The following SYT16 variants were observed in gnomAD, a reference collection of about 807,000 sequenced individuals.
SYT16 encodes the protein synaptotagmin-16.
SYT16 carries 42 observed loss-of-function variants against 61.4 expected under a neutral mutation model. That is an observed-to-expected ratio of 0.68 (90% CI 0.53 to 0.89). SYT16 has a LOEUF of 0.89. SYT16 is among the 40% of genes least tolerant of loss of function. SYT16 has a pLI of 0.00. For synonymous variants in SYT16, 314 were observed against 302.3 expected (o/e 1.04, Z -0.40); for missense variants, 804 against 807.3 (o/e 1.00, Z 0.05).
chr14:61,996,230 G>GAACA lies in SYT16; in HGVS notation c.213_216dup (p.Asp73ThrfsTer4). On this transcript the variant is annotated frameshift_variant, in exon 3 of 8. Transcript: ENST00000683842. LOFTEE classifies it high-confidence loss of function. ...TCAGGAAACGTACTTTGAAGATGAA[G>GAACA]AACAAGACAATGATTGGAGTCAAGA... 2 of 1,613,582 alleles carry GAACA rather than the reference G, an allele frequency of 1.2e-6. No homozygotes were observed. Among genetic ancestry groups the GAACA allele is most frequent in the South Asian group, 2.2e-5 (2 of 91,074 alleles).
intron 1 of SYT16, among the ~76,000 whole-genome samples, chr14:61,829,145 G>A (rs1277976931): frequency 6.6e-6 from 1 of 152,140 alleles, no homozygotes; most frequent in Non-Finnish European, 1.5e-5. Flanking sequence ...TATTTTATGA[G>A]TGATATTTTA....
At chr14:62,016,539 CAAAAA>C (rs10610233) in intron 3 of SYT16, among the ~76,000 whole-genome samples, 40,857 of 97,432 alleles carry the variant, frequency 0.42, 7,107 homozygotes, top group East Asian at 0.56. Context: ...TCTAAAAATA[CAAAAA>C]AAAAAAAAAA....
intron 3 of SYT16, among the ~76,000 whole-genome samples, chr14:62,001,693 C>T (rs4902093): frequency 6.6e-6 from 1 of 151,610 alleles, no homozygotes; most frequent in African/African-American, 2.4e-5. Context: ...CCCATTCTCT[C>T]TTGTTCCTCC....
rs1021494477 is a variant in SYT16 at position 62,101,027 on chromosome 14, G to C, written c.*320G>C. The stretch of plus-strand genomic sequence containing the variant: ...GGGTGAAGCTTCTTCTGCTGTCTCT[G>C]TTTGCTTGAAGAGTAACCTGAGATT... On this transcript the variant is annotated 3_prime_UTR_variant, in exon 8 of 8. Transcript: ENST00000683842. 1.9e-5 allele frequency: 4 copies of C among 215,036 alleles called. No individual in the cohort carries two copies. The South Asian group carries it at 3.6e-4, about 20-fold the overall frequency. The allele number at this position is 215,036 out of a possible 1,614,324, so 13.3% of individuals were successfully genotyped here.
intron 1 of SYT16, among the ~76,000 whole-genome samples, chr14:61,833,695 C>T (rs1176969877): frequency 6.9e-6 from 1 of 144,454 alleles, no homozygotes; most frequent in African/African-American, 2.6e-5. Flanking sequence ...AGCCACTGCG[C>T]CCAGCAGTGG....
rs938158015 is a variant in SYT16, at chr14:62,100,843, G to A, written c.*136G>A. The A allele has an allele frequency of 2.9e-5, 25 of 854,658 alleles. No homozygotes were observed. In the African/African-American group the frequency reaches 3.9e-4, roughly 13 times the overall value. 52.9% of individuals were successfully genotyped at this position (854,658 alleles called of 1,614,324 possible). ...AACCCCTAGGACATTGTGAGTGGGA[G>A]TTTTGGGTTTCTCAATGGTCTGATT... On this transcript the variant is annotated 3_prime_UTR_variant, in exon 8 of 8. Transcript: ENST00000683842.
chr14:61,882,828 A>C (rs1358780550), intron 1 of SYT16, among the ~76,000 whole-genome samples: 2 of 152,212 alleles, frequency 1.3e-5, no homozygotes, highest in African/African-American at 4.8e-5. Flanking sequence ...ACCTGTTCCA[A>C]ATAAGATACA....
intron 1 of SYT16, among the ~76,000 whole-genome samples, chr14:61,913,488 C>G (rs574205637): frequency 6.6e-6 from 1 of 152,028 alleles, no homozygotes; most frequent in Admixed American, 6.6e-5. Context: ...TCATGTAAGA[C>G]ATGAGGAGTA....
chr14:61,945,470 G>C lies in SYT16; in HGVS notation c.-324-24662G>C, dbSNP rs907083322. Among the ~76,000 whole-genome samples, 7 of 152,174 alleles carry C rather than the reference G, an allele frequency of 4.6e-5. No individual in the cohort carries two copies. In the East Asian group the frequency reaches 1.2e-3, roughly 25 times the overall value. ...TTGCAGCACTGTTCACAATAGCAAA[G>C]ACTTGGAACTAACTCAAATGCCCAT... On this transcript the variant is annotated intron_variant, in intron 1 of 7. Transcript: ENST00000683842.
chr14:62,055,104 G>A (rs1241348688), intron 3 of SYT16, among the ~76,000 whole-genome samples: 1 of 152,206 alleles, frequency 6.6e-6, no homozygotes, highest in Non-Finnish European at 1.5e-5. Context: ...GGGAAAGAAA[G>A]CAAGAACAAC....
At chr14:61,849,202 C>T (rs1021365169) in intron 1 of SYT16, among the ~76,000 whole-genome samples, 2 of 152,098 alleles carry the variant, frequency 1.3e-5, no homozygotes, top group Non-Finnish European at 2.9e-5. Flanking sequence ...ACAAAATTGT[C>T]TTTACTCTTC....
intron 1 of SYT16, among the ~76,000 whole-genome samples, chr14:61,945,371 A>G (rs2050381587): frequency 6.6e-6 from 1 of 152,224 alleles, no homozygotes; most frequent in Non-Finnish European, 1.5e-5. Flanking sequence ...TTGACCCAGC[A>G]ATCCCATTAC....
chr14:61,831,725 T>TC (rs1291625921), intron 1 of SYT16: 4 of 167,908 alleles, frequency 2.4e-5, no homozygotes, highest in Non-Finnish European at 5.1e-5. Context: ...CTTCAGTAGT[T>TC]CTTTTTTTTT....
chr14:61,815,062 A>C (rs1412253422), intron 1 of SYT16, among the ~76,000 whole-genome samples: 1 of 152,228 alleles, frequency 6.6e-6, no homozygotes, highest in East Asian at 1.9e-4. Flanking sequence ...GGAGGTCTTA[A>C]ACTTTAACAT....
chr14:62,057,410 A>G (rs982731891), intron 3 of SYT16, among the ~76,000 whole-genome samples: 1 of 152,178 alleles, frequency 6.6e-6, no homozygotes, highest in Admixed American at 6.5e-5. Flanking sequence ...CTGTTGGGAC[A>G]GGGAAGAGGG....
chr14:62,005,627 A>C (rs1237358175), intron 3 of SYT16, among the ~76,000 whole-genome samples: 1 of 152,200 alleles, frequency 6.6e-6, no homozygotes, highest in Non-Finnish European at 1.5e-5. Flanking sequence ...AGGCAAAATA[A>C]GAGCAGTAGA....
At position 62,054,978 on chromosome 14, in the gene SYT16, C is replaced by T. The variant is rs575281553; in HGVS notation, c.524-14625C>T. On this transcript the variant is annotated intron_variant, in intron 3 of 7. Transcript: ENST00000683842. ...CATCCCAGGCCCTTCATTTTAGAAT[C>T]TATGGCAATGAGATTAAAAAAAATC... Among the ~76,000 whole-genome samples, 17 of 152,136 alleles carry T rather than the reference C, an allele frequency of 1.1e-4. No homozygotes were observed. In the East Asian group the frequency reaches 3.3e-3, roughly 29 times the overall value.
chr14:61,942,583 G>T (rs1018532601), intron 1 of SYT16, among the ~76,000 whole-genome samples: 1 of 152,152 alleles, frequency 6.6e-6, no homozygotes, highest in African/African-American at 2.4e-5. Flanking sequence ...CAGAATTTCA[G>T]CAGGAATTTA....
At chr14:61,936,637 C>T (rs529935004) in intron 1 of SYT16, among the ~76,000 whole-genome samples, 1 of 152,286 alleles carries the variant, frequency 6.6e-6, no homozygotes, top group South Asian at 2.1e-4. Context: ...CTTTTTCTCT[C>T]TTCATTTTCC....
Sources: gnomAD v4.1 joint callset for allele counts (sites outside exome capture counted in the v4.1 genomes callset) on GRCh38, gnomAD v4.1.1 for gene constraint, MANE v1.5 for transcripts, NCBI Gene and HGNC (gene_info 2026-07-23, HGNC 2026-07-21) for gene names.